Variants in PSMG4 observed in about 807,000 individuals in gnomAD.
PSMG4 encodes the protein proteasome (prosome, macropain) assembly chaperone 4.
PSMG4 carries 10 observed loss-of-function variants against 11.0 expected under a neutral mutation model. That is an observed-to-expected ratio of 0.91 (90% CI 0.56 to 1.54). The LOEUF is 1.54. Among genes scored for constraint, PSMG4 ranks in the 40% most tolerant of loss-of-function variants. The pLI is 0.00. For synonymous variants in PSMG4, 95 were observed against 71.3 expected, an observed-to-expected ratio of 1.33 and a Z score of -1.68; for missense variants, 198 against 160.9, an observed-to-expected ratio of 1.23 and a Z score of -1.25.
At chr6:3,260,275 T>TTTTATATATATATATA (rs1261021278) in intron 1 of PSMG4, among the ~76,000 whole-genome samples, 28 of 69,084 alleles carry the variant, frequency 4.1e-4, no homozygotes, top group African/African-American at 1.4e-3. Context: ...TTGTCTTAAA[T>TTTTATATATATATATA]TGTATATATA....
At chr6:3,256,685 TGCAGTAGGCAGGGTGG>T (rs933126138), upstream of PSMG4, among the ~76,000 whole-genome samples, 5 of 152,212 alleles carry the variant, frequency 3.3e-5, no homozygotes, top group African/African-American at 1.2e-4. Flanking sequence ...ATACCGCCCT[TGCAGTAGGCAGGGTGG>T]GCTGACTCCC....
Position 3,267,505 on chromosome 6 carries a change from G to T in PSMG4, c.251-86G>T, listed in dbSNP as rs1758242032. On this transcript the variant is annotated intron_variant, in intron 2 of 2. Coordinates refer to ENST00000438998, the MANE Select transcript of PSMG4 (RefSeq NM_001128591.2). The stretch of plus-strand genomic sequence containing the variant: ...CCCTACAACCCCATCCTCTTTCTGA[G>T]CATTTCCCAGCTGCACGTGGCTGTG... The T allele has an allele frequency of 4.1e-6, 6 of 1,465,062 alleles. No homozygotes were observed. In the South Asian group the frequency reaches 7.8e-5, roughly 19 times the overall value. 90.8% of individuals were successfully genotyped at this position (1,465,062 alleles called of 1,614,324 possible).
At chr6:3,263,795 G>C (rs767106804) in intron 2 of PSMG4, 36 bp downstream of exon 2, 2 of 1,540,198 alleles carry the variant, frequency 1.3e-6, no homozygotes, top group Non-Finnish European at 1.8e-6. Context: ...TGGCCAGCCA[G>C]GTGGGGCCCA....
chr6:3,255,869 GTT>G (rs35855978), upstream of PSMG4, among the ~76,000 whole-genome samples: 1 of 151,842 alleles, frequency 6.6e-6, no homozygotes, highest in Admixed American at 6.6e-5. Flanking sequence ...AATGCAAATT[GTT>G]TTGTCTTCCT....
At chr6:3,254,978 G>C, upstream of PSMG4, 1 of 1,472,640 alleles carries the variant, frequency 6.8e-7, no homozygotes, top group Non-Finnish European at 9.1e-7. Context: ...TGATGTGGCT[G>C]TGGATCCCAT....
intron 1 of PSMG4, 51 bp from the exon 2 acceptor site, chr6:3,263,633 T>G (rs1758075173): frequency 6.9e-7 from 1 of 1,439,552 alleles, no homozygotes; most frequent in African/African-American, 1.4e-5. Context: ...GAAGTGTGGC[T>G]GGCCTGCGGG....
At chr6:3,264,273 T>C (rs1289413838) in intron 2 of PSMG4, 1 of 1,551,406 alleles carries the variant, frequency 6.4e-7, no homozygotes, top group Non-Finnish European at 8.7e-7. Context: ...GCAAAGGTCA[T>C]GAGGCTGAAT....
chr6:3,263,842 G>A (rs1210644421), intron 2 of PSMG4, 83 bp downstream of exon 2: 1 of 1,506,596 alleles, frequency 6.6e-7, no homozygotes, highest in Non-Finnish European at 8.9e-7. Flanking sequence ...CCCTTCGGAA[G>A]TAAAGCATCT....
At chr6:3,262,510 C>G (rs1024349380) in intron 1 of PSMG4, among the ~76,000 whole-genome samples, 1 of 152,062 alleles carries the variant, frequency 6.6e-6, no homozygotes, top group African/African-American at 2.4e-5. Flanking sequence ...TTTTTGATCT[C>G]CTGCCTTTTA....
chr6:3,258,896 C>T, upstream of PSMG4: 2 of 964,500 alleles, frequency 2.1e-6, no homozygotes, highest in South Asian at 5.3e-5. Flanking sequence ...CGCCCCTCAC[C>T]CCCGCCCTTC....
intron 1 of PSMG4, 94 bp downstream of exon 1, chr6:3,259,290 T>A: frequency 8.9e-7 from 1 of 1,117,466 alleles, no homozygotes; most frequent in Non-Finnish European, 1.1e-6. Context: ...TTCTCTTGGG[T>A]CCACAGGGCG....
At chr6:3,256,991 C>T (rs1293310792), upstream of PSMG4, among the ~76,000 whole-genome samples, 3 of 152,080 alleles carry the variant, frequency 2.0e-5, no homozygotes, top group Non-Finnish European at 2.9e-5. Flanking sequence ...AGGGTCAGAG[C>T]ACAGGTGGAT....
chr6:3,265,642 T>TA lies in PSMG4; in HGVS notation c.250+1884dup, dbSNP rs1476722708. On this transcript the variant is annotated intron_variant, in intron 2 of 2. Transcript: ENST00000438998. ...GCAGCCTTGGTGAGCCCCAGCTTCCTACCACACTGCCTGCCTTTAGATCAC... is the reference window on the plus strand; with the variant it reads ...GCAGCCTTGGTGAGCCCCAGCTTCCTAACCACACTGCCTGCCTTTAGATCAC... 4 of 81,320 alleles carry TA rather than the reference T, an allele frequency of 4.9e-5. 1 individual carries two copies. The highest frequency in any genetic ancestry group is 7.9e-4 in the South Asian group (2 of 2,526). The allele number at this position is 81,320 out of a possible 1,614,324, so 5.0% of individuals were successfully genotyped here.
At chr6:3,262,572 G>T (rs1758030251) in intron 1 of PSMG4, among the ~76,000 whole-genome samples, 1 of 149,960 alleles carries the variant, frequency 6.7e-6, no homozygotes. Flanking sequence ...CAGCGCCTGT[G>T]GTCTCTGCCC....
rs1757857310 is a variant in PSMG4 at position 3,258,982 on chromosome 6, G to C, written c.-41G>C. 8.1e-7 allele frequency: 1 copy of C among 1,237,466 alleles called. No homozygotes were observed. Among genetic ancestry groups the C allele is most frequent in the African/African-American group, 1.6e-5 (1 of 64,344 alleles). The allele number at this position is 1,237,466 out of a possible 1,614,324, so 76.7% of individuals were successfully genotyped here. ...GTCTGGCGGGGCTGGCAGCGGCGAG[G>C]ACCCGGGTCTGGCGCTGTGGGCCGG... On this transcript the variant is annotated 5_prime_UTR_variant, in exon 1 of 3. Transcript: ENST00000438998.
At chr6:3,258,045 G>A (rs1013557990), upstream of PSMG4, among the ~76,000 whole-genome samples, 3 of 148,044 alleles carry the variant, frequency 2.0e-5, no homozygotes, top group Non-Finnish European at 4.5e-5. Context: ...TCTAAAGTCA[G>A]TTGTAACAGA....
At position 3,268,035 on chromosome 6, in the gene PSMG4, T is replaced by G; in HGVS notation, c.*323T>G. ...CGTGCATCCTCAATTAGAATTAAAG[T>G]GATGTATAAATATGCTTTAGATTTG... On this transcript the variant is annotated 3_prime_UTR_variant, in exon 3 of 3. Coordinates refer to ENST00000438998, the MANE Select transcript of PSMG4 (RefSeq NM_001128591.2). 4.6e-6 allele frequency: 1 copy of G among 218,606 alleles called. No homozygotes were observed. The highest frequency in any genetic ancestry group is 9.3e-6 in the Non-Finnish European group (1 of 107,324). 13.5% of individuals were successfully genotyped at this position (218,606 alleles called of 1,614,324 possible).
chr6:3,258,493 G>T (rs2127255389), upstream of PSMG4, among the ~76,000 whole-genome samples: 1 of 152,354 alleles, frequency 6.6e-6, no homozygotes, highest in Middle Eastern at 3.4e-3. Context: ...GGAGGAGGAG[G>T]TGGGACGGGA....
Position 3,259,109 on chromosome 6 carries a change from C to T in PSMG4, c.87C>T (p.His29=), listed in dbSNP as rs1246449770. 1.6e-6 allele frequency: 2 copies of T among 1,278,188 alleles called. No individual in the cohort carries two copies. Among genetic ancestry groups the T allele is most frequent in the South Asian group, 2.8e-5 (1 of 35,438 alleles). 79.2% of individuals were successfully genotyped at this position (1,278,188 alleles called of 1,614,324 possible). ...ARLWEQLVHF[H]VMRLTDSLFL... ...TGTGGGAGCAGCTGGTCCACTTCCA[C>T]GTCATGCGGCTGACGGACTCGCTGT... Residue 29 remains histidine, a synonymous_variant, in exon 1 of 3, where the codon CAC becomes CAT. Transcript: ENST00000438998.
Sources: gnomAD v4.1 joint callset for allele counts (sites outside exome capture counted in the v4.1 genomes callset) on GRCh38, gnomAD v4.1.1 for gene constraint, MANE v1.5 for transcripts, NCBI Gene and HGNC (gene_info 2026-07-23, HGNC 2026-07-21) for gene names.